The following ARFIP1 variants were observed in gnomAD, a reference collection of about 807,000 sequenced individuals.
The protein encoded by ARFIP1 is arfaptin-1.
In ARFIP1, 24 loss-of-function variants were observed where a neutral mutation model predicts 42.5. The observed-to-expected ratio is 0.57, with a 90% CI of 0.41 to 0.80. The LOEUF is 0.80. Ranked by LOEUF, ARFIP1 falls within the 30% of genes least tolerant of loss-of-function variation. The pLI is 0.00. For synonymous variants in ARFIP1, 141 were observed against 153.7 expected (o/e 0.92, Z 0.61); for missense variants, 354 against 434.0 (o/e 0.82, Z 1.64).
chr4:152,817,158 G>A (rs567681135), intron 1 of ARFIP1, among the ~76,000 whole-genome samples: 18 of 152,196 alleles, frequency 1.2e-4, no homozygotes, highest in Non-Finnish European at 1.8e-4. Context: ...ACATAATAGC[G>A]TAATTTGAAA....
At chr4:152,858,152 C>T (rs1733591912) in intron 2 of ARFIP1, among the ~76,000 whole-genome samples, 2 of 151,958 alleles carry the variant, frequency 1.3e-5, no homozygotes, top group South Asian at 2.1e-4. Context: ...ATTAGCTGGG[C>T]GTGGTGGTGC....
At chr4:152,825,469 G>A (rs1009874283) in intron 1 of ARFIP1, among the ~76,000 whole-genome samples, 1 of 152,126 alleles carries the variant, frequency 6.6e-6, no homozygotes, top group African/African-American at 2.4e-5. Context: ...TTCAATAAAT[G>A]GTGCTGAGGA....
chr4:152,886,749 T>C (rs912783718), intron 7 of ARFIP1, among the ~76,000 whole-genome samples: 3 of 152,014 alleles, frequency 2.0e-5, no homozygotes, highest in South Asian at 2.1e-4. Context: ...GATAAACATA[T>C]CTGTTCATCT....
intron 2 of ARFIP1, among the ~76,000 whole-genome samples, chr4:152,854,255 G>T (rs779023063): frequency 3.3e-5 from 5 of 152,092 alleles, no homozygotes; most frequent in Non-Finnish European, 7.4e-5. Context: ...GTCTATTATT[G>T]AAGTTTTTGA....
At chr4:152,796,513 G>T in intron 1 of ARFIP1, 1 of 751,932 alleles carries the variant, frequency 1.3e-6, no homozygotes, top group Non-Finnish European at 2.4e-6. Context: ...TTCTCTTTTC[G>T]TTTCTGTTTA....
At chr4:152,825,073 A>G (rs1228697052) in intron 1 of ARFIP1, among the ~76,000 whole-genome samples, 4 of 152,188 alleles carry the variant, frequency 2.6e-5, no homozygotes, top group Admixed American at 2.6e-4. Flanking sequence ...GAAAGAAATA[A>G]TAGATGACAC....
intron 3 of ARFIP1, among the ~76,000 whole-genome samples, chr4:152,868,919 A>ACTTCT (rs1734637652): frequency 6.6e-6 from 1 of 152,154 alleles, no homozygotes; most frequent in Non-Finnish European, 1.5e-5. Flanking sequence ...CTAATAAGAA[A>ACTTCT]CTATTTTAAC....
intron 2 of ARFIP1, among the ~76,000 whole-genome samples, chr4:152,844,015 G>C (rs1444690278): frequency 6.6e-6 from 1 of 152,146 alleles, no homozygotes; most frequent in Non-Finnish European, 1.5e-5. Context: ...CTGCTCCTCT[G>C]GTCACCCTCC....
intron 5 of ARFIP1, among the ~76,000 whole-genome samples, chr4:152,876,265 G>GT (rs1343068011): frequency 6.6e-6 from 1 of 152,210 alleles, no homozygotes; most frequent in African/African-American, 2.4e-5. Context: ...CTAGAGATTT[G>GT]TTAAATGGCT....
chr4:152,862,053 G>A (rs76602767), intron 2 of ARFIP1, among the ~76,000 whole-genome samples: 140 of 152,142 alleles, frequency 9.2e-4, no homozygotes, highest in Non-Finnish European at 1.7e-3. Flanking sequence ...AAGTAAACCC[G>A]TTACTCAAAA....
chr4:152,904,858 T>C (rs1027507475), intron 8 of ARFIP1, among the ~76,000 whole-genome samples: 15 of 152,202 alleles, frequency 9.9e-5, no homozygotes, highest in African/African-American at 3.4e-4. Context: ...TAAACATATG[T>C]GTGCATGTAT....
intron 1 of ARFIP1, among the ~76,000 whole-genome samples, chr4:152,807,437 T>G (rs1370475584): frequency 6.6e-6 from 1 of 152,206 alleles, no homozygotes; most frequent in Non-Finnish European, 1.5e-5. Context: ...GGTATTATAG[T>G]CATCTTTACT....
chr4:152,797,403 G>A (rs1394202050), intron 1 of ARFIP1, among the ~76,000 whole-genome samples: 3 of 152,036 alleles, frequency 2.0e-5, no homozygotes, highest in Non-Finnish European at 4.4e-5. Context: ...TGGTCTCCTT[G>A]TGGTTTTCCT....
chr4:152,894,978 T>C (rs981905789), intron 8 of ARFIP1, among the ~76,000 whole-genome samples: 1 of 151,460 alleles, frequency 6.6e-6, no homozygotes, highest in South Asian at 2.1e-4. Flanking sequence ...CAGGAGAGGG[T>C]GTGGTATGGT....
At chr4:152,857,645 C>A (rs957721014) in intron 2 of ARFIP1, among the ~76,000 whole-genome samples, 4 of 152,136 alleles carry the variant, frequency 2.6e-5, no homozygotes, top group Admixed American at 2.6e-4. Flanking sequence ...CCTCAGCAAC[C>A]CAGCTTATTA....
At chr4:152,795,129 A>G (rs62318857) in intron 1 of ARFIP1, among the ~76,000 whole-genome samples, 4,081 of 151,304 alleles carry the variant, frequency 0.027, 100 homozygotes, top group South Asian at 0.11. Flanking sequence ...TAGGTAACCT[A>G]TCTCTTTAGT....
intron 8 of ARFIP1, among the ~76,000 whole-genome samples, chr4:152,901,491 C>G (rs1737827557): frequency 6.6e-6 from 1 of 152,112 alleles, no homozygotes; most frequent in Non-Finnish European, 1.5e-5. Context: ...ACAGATGTTG[C>G]CGTAGTGGTT....
chr4:152,784,208 A>G (rs577468742), intron 1 of ARFIP1, among the ~76,000 whole-genome samples: 1 of 152,368 alleles, frequency 6.6e-6, no homozygotes, highest in Admixed American at 6.5e-5. Flanking sequence ...AAAGTCAGAT[A>G]TGTAGCACTA....
In ARFIP1 at chr4:152,900,992, G is replaced by A. The variant is rs556372950; in HGVS notation, c.967-9072G>A. 6.6e-5 allele frequency among the ~76,000 whole-genome samples: 10 copies of A among 152,136 alleles called. No individual in the cohort carries two copies. The Middle Eastern group carries it at 0.01, about 156-fold the overall frequency. ...ATTAGGTTGGTGCAAAAGTAATTGCGGTTTTTGCCATTACTTTCAATGGCA... is the reference window on the plus strand; with the variant it reads ...ATTAGGTTGGTGCAAAAGTAATTGCAGTTTTTGCCATTACTTTCAATGGCA... On this transcript the variant is annotated intron_variant, in intron 8 of 8. Coordinates refer to ENST00000353617, the MANE Select transcript of ARFIP1 (RefSeq NM_001025595.3).
Sources: allele counts gnomAD v4.1 joint callset (sites outside exome capture counted in the v4.1 genomes callset), GRCh38; gene constraint gnomAD v4.1.1; transcripts MANE v1.5; gene names NCBI Gene and HGNC (gene_info 2026-07-23, HGNC 2026-07-21).